MTM1: variants seen among roughly 807,000 people sequenced by gnomAD.
MTM1 encodes myotubularin 1.
A neutral mutation model predicts 52.1 loss-of-function variants in MTM1; 9 were observed. The ratio of observed to expected loss-of-function variants is 0.17; its 90% CI spans 0.10 to 0.30. MTM1 has a LOEUF of 0.30. Among genes scored for constraint, MTM1 ranks in the 10% least tolerant of loss-of-function variants. The pLI is 1.00. For missense variants in MTM1, 277 were observed against 470.7 expected (o/e 0.59, Z 3.81); for synonymous variants, 136 against 163.8 (o/e 0.83, Z 1.29).
upstream of MTM1, among the ~76,000 whole-genome samples, chrX:150,567,374 C>T (rs781829277): frequency 9.0e-6 from 1 of 111,050 alleles, no homozygotes; most frequent in Admixed American, 9.5e-5. Flanking sequence ...TAGAAACACA[C>T]GTACACATAT....
rs190334338 is a variant in MTM1 at position 150,664,062 on chromosome X, A to G, written c.1644+453A>G. 1.4e-4 allele frequency among the ~76,000 whole-genome samples: 16 copies of G among 112,299 alleles called. No individual in the cohort carries two copies. In the East Asian group the frequency reaches 4.5e-3, roughly 31 times the overall value. ...GAGGGTATTTACTTCTAAAATAAAG[A>G]TAATTACTCTGTCAATGGTAGTAAA... On this transcript the variant is annotated intron_variant, in intron 14 of 14. Transcript: ENST00000370396.
chrX:150,640,404 G>C (rs1295453555), intron 7 of MTM1, among the ~76,000 whole-genome samples: 6 of 111,459 alleles, frequency 5.4e-5, no homozygotes, highest in African/African-American at 2.0e-4. Context: ...CTCAGCATCA[G>C]ACTCAACATC....
At chrX:150,615,252 G>A (rs2039362327) in intron 5 of MTM1, among the ~76,000 whole-genome samples, 1 of 111,398 alleles carries the variant, frequency 9.0e-6, no homozygotes, top group African/African-American at 3.3e-5. Context: ...ATGGGAGCCC[G>A]AGGCTCCAAA....
In MTM1 at chrX:150,659,095, C is replaced by T. The variant is rs370563088; in HGVS notation, c.1261-569C>T. Reference sequence around the variant, plus strand: ...GTCTCAAACTCTTGACCTCGTGATCCGCCCACCTCAGCCTCCCAAAATGCT... The same window carrying T: ...GTCTCAAACTCTTGACCTCGTGATCTGCCCACCTCAGCCTCCCAAAATGCT... On this transcript the variant is annotated intron_variant, in intron 11 of 14. Coordinates refer to ENST00000370396, the MANE Select transcript of MTM1 (RefSeq NM_000252.3). 7.2e-5 allele frequency among the ~76,000 whole-genome samples: 8 copies of T among 111,811 alleles called. No individual in the cohort carries two copies. In the East Asian group the frequency reaches 1.7e-3, roughly 23 times the overall value.
At chrX:150,630,241 G>A (rs1383132803) in intron 6 of MTM1, among the ~76,000 whole-genome samples, 1 of 111,375 alleles carries the variant, frequency 9.0e-6, no homozygotes, top group Non-Finnish European at 1.9e-5. Flanking sequence ...TATAGCGTGG[G>A]CCACCACACC....
chrX:150,663,670 T>C, intron 14 of MTM1, 61 bp downstream of exon 14: 1 of 1,056,969 alleles, frequency 9.5e-7, no homozygotes. Context: ...GATAATGTTA[T>C]TTGGTATGGA....
chrX:150,620,688 T>C (rs1174015685), intron 6 of MTM1, among the ~76,000 whole-genome samples: 1 of 112,206 alleles, frequency 8.9e-6, no homozygotes, highest in East Asian at 2.8e-4. Context: ...TCTCATCTTA[T>C]TAACTTTGCC....
At chrX:150,600,035 C>T (rs782162278) in intron 4 of MTM1, among the ~76,000 whole-genome samples, 3 of 111,549 alleles carry the variant, frequency 2.7e-5, no homozygotes, top group South Asian at 7.6e-4. Context: ...TGACAGACTC[C>T]GGTAAAGACA....
intron 1 of MTM1, among the ~76,000 whole-genome samples, chrX:150,587,640 G>A (rs1213524028): frequency 9.0e-6 from 1 of 111,647 alleles, no homozygotes; most frequent in Non-Finnish European, 1.9e-5. Flanking sequence ...ATTTGGTTGA[G>A]GACGTCTCAA....
At chrX:150,583,395 A>G (rs1220468291) in intron 1 of MTM1, among the ~76,000 whole-genome samples, 1 of 42,437 alleles carries the variant, frequency 2.4e-5, no homozygotes, top group African/African-American at 1.0e-4. Flanking sequence ...TATAATATAT[A>G]TAAATTATAT....
intron 3 of MTM1, 21 bp downstream of exon 3, chrX:150,596,591 G>A (rs376772512): frequency 1.2e-5 from 14 of 1,172,200 alleles, no homozygotes; most frequent in South Asian, 1.8e-5. Flanking sequence ...GCTGACATAA[G>A]ATTTGCATAA....
chrX:150,612,393 T>C (rs1398113307), intron 4 of MTM1, among the ~76,000 whole-genome samples: 2 of 111,763 alleles, frequency 1.8e-5, no homozygotes, highest in Admixed American at 1.9e-4. Flanking sequence ...TTTTCTGTAT[T>C]GTATTTTAAT....
At position 150,585,937 on chromosome X, in the gene MTM1, G is replaced by A. The variant is rs782523458; in HGVS notation, c.-10-6668G>A. 6.3e-5 allele frequency among the ~76,000 whole-genome samples: 7 copies of A among 111,655 alleles called. 1 individual carries two copies. Among genetic ancestry groups the A allele is most frequent in the South Asian group, 3.7e-4 (1 of 2,680 alleles). On this transcript the variant is annotated intron_variant, in intron 1 of 14. Transcript: ENST00000370396. ...CTGTCTTGAAGATGTGCCATTTGTC[G>A]TGAGGGGACCAAGAAATAGGGTGAA...
At chrX:150,562,908 G>A in the MTM1 span, among the ~76,000 whole-genome samples, 1 of 111,128 alleles carries the variant, frequency 9.0e-6, no homozygotes, top group African/African-American at 3.3e-5. Context: ...ACATGTGCCT[G>A]CAGATCACTG....
chrX:150,636,513 T>C lies in MTM1; in HGVS notation c.445-2430T>C, dbSNP rs191490380. On this transcript the variant is annotated intron_variant, in intron 6 of 14. Coordinates refer to ENST00000370396, the MANE Select transcript of MTM1 (RefSeq NM_000252.3). The stretch of plus-strand genomic sequence containing the variant: ...CATTACTACACATGATGATTTTTTC[T>C]GGAAGGAAAGCTTTATCTGGGCCTT... Among the ~76,000 whole-genome samples the C allele has an allele frequency of 1.5e-4, 17 of 112,319 alleles. No homozygotes were observed. The East Asian group carries it at 4.8e-3, about 31-fold the overall frequency.
chrX:150,663,421 G>C lies in MTM1; in HGVS notation c.1468-12G>C, dbSNP rs781938447. 5 of 1,208,211 alleles carry C rather than the reference G, an allele frequency of 4.1e-6. No homozygotes were observed. Among genetic ancestry groups the C allele is most frequent in the East Asian group, 3.0e-5 (1 of 33,758 alleles). On this transcript the variant is annotated splice_polypyrimidine_tract_variant and intron_variant, in intron 13 of 14. Coordinates refer to ENST00000370396, the MANE Select transcript of MTM1 (RefSeq NM_000252.3). ...CTTAGGCTCTCCACTTTCTCTCTCT[G>C]TCTCTCTGTAGAAGGTTACAGAAAG...
Position 150,629,584 on chromosome X carries a change from C to T in MTM1, c.445-9359C>T, listed in dbSNP as rs184721783. Reference sequence around the variant, plus strand: ...TAGTAGAGCCTCAGTAAATGTTTATCGAGTGAATATACTAATGTAAACAGA... The same window carrying T: ...TAGTAGAGCCTCAGTAAATGTTTATTGAGTGAATATACTAATGTAAACAGA... On this transcript the variant is annotated intron_variant, in intron 6 of 14. Transcript: ENST00000370396. Among the ~76,000 whole-genome samples, 258 of 112,250 alleles carry T rather than the reference C, an allele frequency of 2.3e-3. 2 individuals carry two copies. The highest frequency in any genetic ancestry group is 7.6e-3 in the African/African-American group (234 of 30,947).
chrX:150,590,605 G>A (rs2038866255), intron 1 of MTM1, among the ~76,000 whole-genome samples: 1 of 111,501 alleles, frequency 9.0e-6, no homozygotes, highest in Non-Finnish European at 1.9e-5. Flanking sequence ...GTGAGTTGTA[G>A]TAAAACAGTT....
At chrX:150,586,878 C>A (rs2038796719) in intron 1 of MTM1, among the ~76,000 whole-genome samples, 1 of 102,876 alleles carries the variant, frequency 9.7e-6, no homozygotes, top group Non-Finnish European at 2.0e-5. Context: ...GGTACCACTG[C>A]ACTCCAGCCT....
Sources: allele counts gnomAD v4.1 joint callset (sites outside exome capture counted in the v4.1 genomes callset), GRCh38; gene constraint gnomAD v4.1.1; transcripts MANE v1.5; gene names NCBI Gene and HGNC (gene_info 2026-07-23, HGNC 2026-07-21).